Variants in TAF1B observed in about 807,000 individuals in gnomAD.
The protein encoded by TAF1B is TATA box-binding protein-associated factor RNA polymerase I subunit B.
Under a neutral mutation model 83.9 loss-of-function variants are expected in TAF1B, and 61 were observed. The ratio of observed to expected loss-of-function variants is 0.73; its 90% CI spans 0.59 to 0.90. TAF1B has a LOEUF of 0.90. Ranked by LOEUF, TAF1B falls within the 40% of genes least tolerant of loss-of-function variation. The pLI is 0.00. For synonymous variants in TAF1B, 221 were observed against 224.6 expected (o/e 0.98, Z 0.14); for missense variants, 625 against 677.0 (o/e 0.92, Z 0.85).
intron 6 of TAF1B, chr2:9,868,738 C>G: frequency 1.9e-6 from 1 of 528,764 alleles, no homozygotes; most frequent in South Asian, 1.6e-5. Flanking sequence ...TCAGCGTCTT[C>G]AAAGAAAAGT....
intron 14 of TAF1B, among the ~76,000 whole-genome samples, chr2:9,929,758 A>G (rs1371763336): frequency 6.6e-6 from 1 of 152,184 alleles, no homozygotes; most frequent in Non-Finnish European, 1.5e-5. Context: ...TTCAGAAGGA[A>G]TGGTACCAGC....
chr2:9,850,986 A>G lies in TAF1B; in HGVS notation c.206-555A>G, dbSNP rs1403888025. Among the ~76,000 whole-genome samples, 7 of 152,162 alleles carry G rather than the reference A, an allele frequency of 4.6e-5. No homozygotes were observed. The East Asian group carries it at 1.3e-3, about 29-fold the overall frequency. ...CCATTGAGCAGTTTATTTTCTTTGA[A>G]TGTTCTTACTGCCCTTTTCTATACT... On this transcript the variant is annotated intron_variant, in intron 3 of 14. Coordinates refer to ENST00000263663, the MANE Select transcript of TAF1B (RefSeq NM_005680.3).
chr2:9,870,161 A>T (rs1267509892), intron 6 of TAF1B, among the ~76,000 whole-genome samples: 1 of 152,102 alleles, frequency 6.6e-6, no homozygotes, highest in Non-Finnish European at 1.5e-5. Flanking sequence ...GTCTTGTTAT[A>T]AAAAAATCGT....
At chr2:9,869,927 T>A (rs1199241256) in intron 6 of TAF1B, among the ~76,000 whole-genome samples, 2 of 151,954 alleles carry the variant, frequency 1.3e-5, no homozygotes, top group African/African-American at 4.8e-5. Context: ...AAAATGCAGA[T>A]AGTCACGAAG....
intron 10 of TAF1B, 89 bp downstream of exon 10, chr2:9,911,002 TAAAA>T (rs1005542543): frequency 3.9e-6 from 5 of 1,281,904 alleles, no homozygotes; most frequent in Non-Finnish European, 5.3e-6. Context: ...GAAGACACTT[TAAAA>T]AAAGAGCTAA....
intron 8 of TAF1B, among the ~76,000 whole-genome samples, chr2:9,900,604 T>C (rs919474748): frequency 6.6e-6 from 1 of 152,094 alleles, no homozygotes; most frequent in Non-Finnish European, 1.5e-5. Flanking sequence ...GAAGCAGATA[T>C]AGGGCTGTCA....
intron 8 of TAF1B, among the ~76,000 whole-genome samples, chr2:9,893,553 G>T (rs1348912388): frequency 6.6e-5 from 10 of 152,266 alleles, no homozygotes; most frequent in African/African-American, 2.4e-4. Flanking sequence ...GCTAGACGTG[G>T]TGGCTCGCCC....
chr2:9,851,596 A>G lies in TAF1B; in HGVS notation c.261A>G (p.Gln87=). 1.2e-6 allele frequency: 2 copies of G among 1,612,994 alleles called. No homozygotes were observed. The highest frequency in any genetic ancestry group is 1.7e-6 in the Non-Finnish European group (2 of 1,179,720). The change falls in exon 4 of 15, where the codon CAA becomes CAG. Residue 87 remains glutamine (Q), a synonymous_variant. Coordinates refer to ENST00000263663, the MANE Select transcript of TAF1B (RefSeq NM_005680.3). ...GTTTCCAGTATATTCTTTATCAACA[A>G]GCAGAAGCCTTAAAGAACCTTGGAG... ...CEGFQYILYQ[Q]AEALKNLGVG...
chr2:9,932,990 T>C (rs1666263470), intron 14 of TAF1B, among the ~76,000 whole-genome samples: 1 of 152,210 alleles, frequency 6.6e-6, no homozygotes, highest in East Asian at 1.9e-4. Flanking sequence ...AGGCTCAGGT[T>C]ATAATCTCCT....
At chr2:9,868,620 G>T (rs1250528585) in intron 6 of TAF1B, 191 bp downstream of exon 6, 1 of 842,400 alleles carries the variant, frequency 1.2e-6, no homozygotes, top group Non-Finnish European at 2.0e-6. Context: ...TTTTTTAAAA[G>T]GCACATTGTC....
chr2:9,844,239 T>G (rs1295266181), intron 1 of TAF1B: 2 of 151,504 alleles, frequency 1.3e-5, no homozygotes, highest in Non-Finnish European at 2.9e-5. Flanking sequence ...CAGCCTCGAA[T>G]CCTGGGCTCG....
intron 3 of TAF1B, among the ~76,000 whole-genome samples, chr2:9,850,805 G>A (rs1663362583): frequency 6.6e-6 from 1 of 152,128 alleles, no homozygotes; most frequent in Admixed American, 6.5e-5. Context: ...GTGGTGGCAG[G>A]TTTCTTCACA....
intron 14 of TAF1B, among the ~76,000 whole-genome samples, chr2:9,931,563 G>A (rs1173894168): frequency 1.3e-5 from 2 of 152,148 alleles, no homozygotes; most frequent in Non-Finnish European, 2.9e-5. Context: ...GCTTCCCTTT[G>A]TGGGTAACCG....
chr2:9,845,251 C>T lies in TAF1B; in HGVS notation c.50C>T (p.Ala17Val). 6.2e-7 allele frequency: 1 copy of T among 1,613,920 alleles called. No homozygotes were observed. The stretch of plus-strand genomic sequence containing the variant: ...TTTAAAGAACGCTGTACTCAGTGTG[C>T]TGCTGTCTCATGGGGTCTTACTGAT... Reference protein sequence around the residue: ...EEFKERCTQCAAVSWGLTDEG... With the variant: ...EEFKERCTQCVAVSWGLTDEG... Residue 17 changes from alanine (A) to valine (V), a missense_variant, in exon 2 of 15, where the codon GCT (alanine) becomes GTT (valine). Ala to Val is a moderately conservative substitution (Grantham distance 64). Transcript: ENST00000263663.
chr2:9,852,319 C>T lies in TAF1B; in HGVS notation c.303+681C>T, dbSNP rs148851438. ...TTATTTGAATTTCATATTCCTTCAT[C>T]TAGTAAAAGTCATTTAAGGAATGCT... On this transcript the variant is annotated intron_variant, in intron 4 of 14. Transcript: ENST00000263663. Among the ~76,000 whole-genome samples the T allele has an allele frequency of 6.3e-4, 96 of 152,258 alleles. 1 individual carries two copies. The highest frequency in any genetic ancestry group is 8.8e-4 in the Non-Finnish European group (60 of 68,036).
At chr2:9,897,842 C>T (rs566327706) in intron 8 of TAF1B, among the ~76,000 whole-genome samples, 6 of 152,260 alleles carry the variant, frequency 3.9e-5, no homozygotes, top group Admixed American at 2.6e-4. Flanking sequence ...AATAACCTGA[C>T]AGGTTTCAAA....
At chr2:9,870,806 T>C (rs1188548113) in intron 6 of TAF1B, among the ~76,000 whole-genome samples, 1 of 151,912 alleles carries the variant, frequency 6.6e-6, no homozygotes, top group African/African-American at 2.4e-5. Flanking sequence ...TTATTTAGAC[T>C]GAGCTGTATA....
intron 14 of TAF1B, among the ~76,000 whole-genome samples, chr2:9,920,584 G>GGT (rs1428133763): frequency 1.4e-3 from 137 of 97,472 alleles, no homozygotes; most frequent in African/African-American, 5.1e-3. Flanking sequence ...TGGGGCGGGG[G>GGT]GCGGGGGGTC....
intron 7 of TAF1B, among the ~76,000 whole-genome samples, chr2:9,878,341 G>C (rs897594835): frequency 2.6e-5 from 4 of 151,618 alleles, no homozygotes; most frequent in African/African-American, 9.7e-5. Context: ...CTCCTGCCTT[G>C]GCCTCCCAAA....
Sources: allele counts gnomAD v4.1 joint callset (sites outside exome capture counted in the v4.1 genomes callset), GRCh38; gene constraint gnomAD v4.1.1; transcripts MANE v1.5; gene names NCBI Gene and HGNC (gene_info 2026-07-23, HGNC 2026-07-21).